Variants in MSI2 observed in about 807,000 individuals in gnomAD.
MSI2 encodes the protein musashi RNA binding protein 2, also known as RNA-binding protein Musashi homolog 2.
In MSI2, 17 loss-of-function variants were observed where a neutral mutation model predicts 45.6. The observed-to-expected ratio is 0.37, with a 90% CI of 0.26 to 0.56. MSI2 has a LOEUF of 0.56. MSI2 is among the 20% of genes least tolerant of loss of function. The pLI is 0.77. For missense variants in MSI2, 293 were observed against 444.2 expected (o/e 0.66, Z 3.06); for synonymous variants, 156 against 158.2 (o/e 0.99, Z 0.11).
At chr17:57,355,287 A>G (rs1483140696) in intron 5 of MSI2, among the ~76,000 whole-genome samples, 2 of 152,208 alleles carry the variant, frequency 1.3e-5, no homozygotes, top group African/African-American at 4.8e-5. Flanking sequence ...TCCCATGGAA[A>G]TAGTACTGCT....
chr17:57,358,799 A>G (rs531370160), intron 5 of MSI2, among the ~76,000 whole-genome samples: 12 of 152,324 alleles, frequency 7.9e-5, no homozygotes, highest in African/African-American at 2.4e-4. Flanking sequence ...AGTGTTGTAC[A>G]TGTTAAAATG....
intron 5 of MSI2, among the ~76,000 whole-genome samples, chr17:57,389,388 T>C (rs576626313): frequency 3.3e-5 from 5 of 152,320 alleles, no homozygotes; most frequent in Non-Finnish European, 7.3e-5. Flanking sequence ...TCCCACAATG[T>C]CTTATGCTGC....
intron 7 of MSI2, among the ~76,000 whole-genome samples, chr17:57,539,903 G>A (rs568758623): frequency 6.6e-6 from 1 of 152,174 alleles, no homozygotes; most frequent in African/African-American, 2.4e-5. Context: ...AAACACGTGG[G>A]GACCTTACAC....
chr17:57,520,493 G>A (rs1598358745), intron 6 of MSI2, among the ~76,000 whole-genome samples: 1 of 152,262 alleles, frequency 6.6e-6, no homozygotes, highest in Non-Finnish European at 1.5e-5. Context: ...TTGCTAATGG[G>A]GACAAAATAC....
intron 6 of MSI2, among the ~76,000 whole-genome samples, chr17:57,406,300 C>A (rs1393440172): frequency 6.6e-6 from 1 of 152,080 alleles, no homozygotes; most frequent in Non-Finnish European, 1.5e-5. Context: ...CCGGAAGAGC[C>A]CAGCCTGGTA....
At chr17:57,478,178 A>G (rs1455361551) in intron 6 of MSI2, among the ~76,000 whole-genome samples, 1 of 152,184 alleles carries the variant, frequency 6.6e-6, no homozygotes, top group Non-Finnish European at 1.5e-5. Context: ...GCAGGCCAAA[A>G]GCCAATAGAC....
At chr17:57,444,966 G>T (rs1358538313) in intron 6 of MSI2, among the ~76,000 whole-genome samples, 2 of 152,088 alleles carry the variant, frequency 1.3e-5, no homozygotes, top group Non-Finnish European at 2.9e-5. Context: ...GCATTCACGG[G>T]GCATAGTTCC....
intron 7 of MSI2, among the ~76,000 whole-genome samples, chr17:57,595,797 T>A (rs1905202698): frequency 6.6e-6 from 1 of 152,114 alleles, no homozygotes; most frequent in South Asian, 2.1e-4. Context: ...GAATCCTGAT[T>A]TGGGCTGTGA....
chr17:57,654,991 G>A (rs1000226522), intron 11 of MSI2, among the ~76,000 whole-genome samples: 5 of 149,714 alleles, frequency 3.3e-5, no homozygotes, highest in East Asian at 2.0e-4. Flanking sequence ...GCTGAGGGCC[G>A]TGGGGTGGGA....
chr17:57,491,684 A>G (rs1312371951), intron 6 of MSI2, among the ~76,000 whole-genome samples: 1 of 152,208 alleles, frequency 6.6e-6, no homozygotes, highest in African/African-American at 2.4e-5. Flanking sequence ...GCCAATGCTC[A>G]CTTCCAATTC....
At chr17:57,466,912 C>T (rs553815651) in intron 6 of MSI2, among the ~76,000 whole-genome samples, 1 of 152,326 alleles carries the variant, frequency 6.6e-6, no homozygotes, top group East Asian at 1.9e-4. Context: ...TCTGTGCCCC[C>T]TGCTCTTTAG....
chr17:57,656,219 C>T (rs1598497786), intron 11 of MSI2, among the ~76,000 whole-genome samples: 1 of 152,184 alleles, frequency 6.6e-6, no homozygotes, highest in African/African-American at 2.4e-5. Context: ...CCCTCACACT[C>T]CCCGTTCCCC....
intron 5 of MSI2, 98 bp downstream of exon 5, chr17:57,262,290 G>A: frequency 7.8e-7 from 1 of 1,282,780 alleles, no homozygotes; most frequent in Non-Finnish European, 1.1e-6. Context: ...TTGAAGCCTG[G>A]TATTCACTGT....
chr17:57,670,184 C>T (rs557744935), intron 11 of MSI2, among the ~76,000 whole-genome samples: 21 of 152,358 alleles, frequency 1.4e-4, no homozygotes, highest in African/African-American at 4.8e-4. Context: ...CTTTTTGCCT[C>T]AGGTCCAGTG....
intron 5 of MSI2, among the ~76,000 whole-genome samples, chr17:57,293,335 C>T (rs576660430): frequency 6.6e-6 from 1 of 152,190 alleles, no homozygotes; most frequent in East Asian, 1.9e-4. Context: ...GCTCGCATTC[C>T]AGCATGGGAG....
chr17:57,291,406 A>G (rs1910406258), intron 5 of MSI2, among the ~76,000 whole-genome samples: 1 of 152,222 alleles, frequency 6.6e-6, no homozygotes, highest in African/African-American at 2.4e-5. Flanking sequence ...ACCGAGCAAT[A>G]AATAACCCAG....
At chr17:57,657,326 C>T (rs1188338907) in intron 11 of MSI2, among the ~76,000 whole-genome samples, 4 of 151,994 alleles carry the variant, frequency 2.6e-5, no homozygotes, top group Admixed American at 2.0e-4. Context: ...CATGGGGGTG[C>T]GGGTGAGGGA....
Position 57,583,488 on chromosome 17 carries a change from C to CTTTTTTTTTTTTTTTTTTTTTTTTTTTTT in MSI2, c.455-13361_455-13360insTTTTTTTTTTTTTTTTTTTTTTTTTTTTT, listed in dbSNP as rs5821192. The stretch of plus-strand genomic sequence containing the variant: ...TACTTTTTTCCTTCTCCCAATGTTT[C>CTTTTTTTTTTTTTTTTTTTTTTTTTTTTT]TTTTTTTTTTTTTTTTTTTGAGACA... On this transcript the variant is annotated intron_variant, in intron 7 of 13. Coordinates refer to ENST00000284073, the MANE Select transcript of MSI2 (RefSeq NM_138962.4). Among the ~76,000 whole-genome samples, 22 of 98,016 alleles carry CTTTTTTTTTTTTTTTTTTTTTTTTTTTTT rather than the reference C, an allele frequency of 2.2e-4. No homozygotes were observed. In the East Asian group the frequency reaches 2.5e-3, roughly 11 times the overall value. 64.3% of individuals were successfully genotyped at this position (98,016 alleles called of 152,430 possible). A position where few individuals can be genotyped will look rare whatever the true frequency, so the allele number is the denominator to read the frequency against.
intron 7 of MSI2, among the ~76,000 whole-genome samples, chr17:57,588,780 C>T (rs1904549308): frequency 6.6e-6 from 1 of 152,148 alleles, no homozygotes; most frequent in Non-Finnish European, 1.5e-5. Flanking sequence ...ATGACAGAGA[C>T]AGGGTTCAGG....
Sources: allele counts gnomAD v4.1 joint callset (sites outside exome capture counted in the v4.1 genomes callset), GRCh38; gene constraint gnomAD v4.1.1; transcripts MANE v1.5; gene names NCBI Gene and HGNC (gene_info 2026-07-23, HGNC 2026-07-21).